GABRG3: variants seen among roughly 807,000 people sequenced by gnomAD.
The protein encoded by GABRG3 is gamma-aminobutyric acid type A receptor subunit gamma3.
GABRG3 carries 25 observed loss-of-function variants against 48.8 expected under a neutral mutation model. That is an observed-to-expected ratio of 0.51 (90% CI 0.37 to 0.72). The LOEUF (loss-of-function observed/expected upper bound fraction) is 0.72, where lower values mean the gene tolerates loss of function less well. Among genes scored for constraint, GABRG3 ranks in the 30% least tolerant of loss-of-function variants. The probability of loss-of-function intolerance (pLI) is 0.00; values close to 1 mark genes in which losing one functional copy is unlikely to be tolerated. For synonymous variants in GABRG3, 227 were observed against 217.6 expected, an observed-to-expected ratio of 1.04 and a Z score of -0.38; for missense variants, 394 against 577.9, an observed-to-expected ratio of 0.68 and a Z score of 3.26.
chr15:27,041,985 C>T (rs1476560050), intron 3 of GABRG3, among the ~76,000 whole-genome samples: 1 of 152,178 alleles, frequency 6.6e-6, no homozygotes, highest in Non-Finnish European at 1.5e-5. Context: ...CATTCCTGTT[C>T]TACGTGCAAT....
chr15:27,149,513 C>T (rs1898271566), intron 3 of GABRG3, among the ~76,000 whole-genome samples: 1 of 152,052 alleles, frequency 6.6e-6, no homozygotes, highest in Admixed American at 6.6e-5. Context: ...AAATTGCAAG[C>T]AATCCAGAAT....
At chr15:27,363,811 A>T (rs964345986) in intron 5 of GABRG3, 6 of 152,248 alleles carry the variant, frequency 3.9e-5, no homozygotes, top group Non-Finnish European at 7.3e-5. Context: ...AAGCTCTGAT[A>T]GACTTACATT....
At chr15:27,308,252 A>G (rs1329334813) in intron 3 of GABRG3, among the ~76,000 whole-genome samples, 3 of 122,222 alleles carry the variant, frequency 2.5e-5, no homozygotes, top group African/African-American at 9.0e-5. Flanking sequence ...ATATATAAAC[A>G]TACGTTTATA....
chr15:27,519,768 C>T (rs550332561), intron 6 of GABRG3, among the ~76,000 whole-genome samples: 1 of 152,086 alleles, frequency 6.6e-6, no homozygotes, highest in South Asian at 2.1e-4. Context: ...TTACACTGAC[C>T]GATTAAATGC....
At chr15:27,112,692 G>A (rs1013933591) in intron 3 of GABRG3, among the ~76,000 whole-genome samples, 19 of 151,926 alleles carry the variant, frequency 1.3e-4, no homozygotes, top group African/African-American at 4.4e-4. Context: ...TGCCCTCCTC[G>A]GCCTCCCAAA....
chr15:27,188,730 C>A (rs1415751463), intron 3 of GABRG3, among the ~76,000 whole-genome samples: 36 of 152,194 alleles, frequency 2.4e-4, no homozygotes, highest in East Asian at 1.7e-3. Context: ...TCTTTAGTTT[C>A]ATTAGATCCC....
intron 5 of GABRG3, among the ~76,000 whole-genome samples, chr15:27,378,960 C>A (rs1459690182): frequency 1.3e-5 from 2 of 152,120 alleles, no homozygotes; most frequent in African/African-American, 2.4e-5. Flanking sequence ...GAGAAGTGCT[C>A]TTTTATTTTG....
At chr15:27,520,845 C>A (rs1891143160) in intron 7 of GABRG3, among the ~76,000 whole-genome samples, 1 of 148,782 alleles carries the variant, frequency 6.7e-6, no homozygotes, top group Admixed American at 6.8e-5. Context: ...TTTCAAATTT[C>A]TGCAACATCT....
At chr15:27,144,915 A>T (rs567739686) in intron 3 of GABRG3, among the ~76,000 whole-genome samples, 2 of 152,338 alleles carry the variant, frequency 1.3e-5, no homozygotes, top group South Asian at 4.1e-4. Context: ...CTTAGCTAAG[A>T]TGTCAATAGC....
intron 2 of GABRG3, 58 bp downstream of exon 2, chr15:26,977,208 T>C (rs1406941993): frequency 6.5e-7 from 1 of 1,542,692 alleles, no homozygotes; most frequent in East Asian, 2.3e-5. Context: ...TATGAAGTTT[T>C]TACTTTTGAG....
intron 3 of GABRG3, among the ~76,000 whole-genome samples, chr15:27,076,318 CTTTTTTTTTT>C (rs1230817571): frequency 9.4e-6 from 1 of 106,474 alleles, no homozygotes; most frequent in Non-Finnish European, 1.8e-5. Context: ...AGCCAACTGT[CTTTTTTTTTT>C]TTTTTTTTTT....
chr15:27,227,548 G>A lies in GABRG3; in HGVS notation c.271-99261G>A, dbSNP rs114100462. ...TATATATTTTTTAAATTATCTGGCCGTGGTGGCATGCACCTGTAGTCCTAG... is the reference window on the plus strand; with the variant it reads ...TATATATTTTTTAAATTATCTGGCCATGGTGGCATGCACCTGTAGTCCTAG... On this transcript the variant is annotated intron_variant, in intron 3 of 9. Transcript: ENST00000615808. Among the ~76,000 whole-genome samples the A allele has an allele frequency of 4.3e-3, 657 of 152,134 alleles. 5 individuals carry two copies. Among genetic ancestry groups the A allele is most frequent in the African/African-American group, 0.015 (621 of 41,532 alleles).
Position 27,092,056 on chromosome 15 carries a change from T to C in GABRG3, c.270+65235T>C, listed in dbSNP as rs58045016. On this transcript the variant is annotated intron_variant, in intron 3 of 9. Transcript: ENST00000615808. Reference sequence around the variant, plus strand: ...GTCACACCTGTTAAATAAACTTTTCTTACGCACTCACTGTTTTATGAAGCA... The same window carrying C: ...GTCACACCTGTTAAATAAACTTTTCCTACGCACTCACTGTTTTATGAAGCA... 3.5e-3 allele frequency among the ~76,000 whole-genome samples: 526 copies of C among 152,306 alleles called. 7 individuals are homozygous for C. The highest frequency in any genetic ancestry group is 0.012 in the African/African-American group (492 of 41,558).
intron 3 of GABRG3, among the ~76,000 whole-genome samples, chr15:27,043,203 G>T (rs1024903292): frequency 2.0e-5 from 3 of 152,140 alleles, no homozygotes; most frequent in Non-Finnish European, 4.4e-5. Context: ...AATTTGGTGG[G>T]ACCCTCAGTT....
chr15:27,491,822 T>C (rs1890362474), intron 6 of GABRG3, among the ~76,000 whole-genome samples: 1 of 152,184 alleles, frequency 6.6e-6, no homozygotes, highest in Non-Finnish European at 1.5e-5. Context: ...ACATTGAAAG[T>C]CACCTCTGTT....
chr15:27,300,752 T>C (rs1892177467), intron 3 of GABRG3, among the ~76,000 whole-genome samples: 2 of 143,046 alleles, frequency 1.4e-5, no homozygotes, highest in Admixed American at 1.4e-4. Flanking sequence ...AGCAAAGAAA[T>C]TGAGATTAAG....
At chr15:27,099,441 T>C (rs1203886607) in intron 3 of GABRG3, among the ~76,000 whole-genome samples, 1 of 152,196 alleles carries the variant, frequency 6.6e-6, no homozygotes, top group African/African-American at 2.4e-5. Flanking sequence ...TTCCCCTGTT[T>C]GTTTGTGCCT....
intron 2 of GABRG3, among the ~76,000 whole-genome samples, chr15:27,005,822 G>T (rs1003721339): frequency 1.4e-4 from 21 of 152,330 alleles, no homozygotes; most frequent in Middle Eastern, 3.4e-3. Context: ...CTTGGTGGTA[G>T]AGTTTGTGGC....
intron 3 of GABRG3, among the ~76,000 whole-genome samples, chr15:27,240,062 ATTAC>A (rs1224821245): frequency 6.6e-6 from 1 of 152,208 alleles, no homozygotes; most frequent in Non-Finnish European, 1.5e-5. Context: ...AGTGTCATCA[ATTAC>A]TTAGTAATTT....
Sources: allele counts gnomAD v4.1 joint callset (sites outside exome capture counted in the v4.1 genomes callset), GRCh38; gene constraint gnomAD v4.1.1; transcripts MANE v1.5; gene names NCBI Gene and HGNC (gene_info 2026-07-23, HGNC 2026-07-21).